The following SLC6A13 variants were observed in gnomAD, a reference collection of about 807,000 sequenced individuals.
SLC6A13 encodes the protein sodium- and chloride-dependent GABA transporter 2.
SLC6A13 carries 69 observed loss-of-function variants against 72.9 expected under a neutral mutation model. The observed-to-expected ratio is 0.95, with a 90% CI of 0.78 to 1.16. The LOEUF is 1.16. Ranked by LOEUF, SLC6A13 falls within the 50% of genes most tolerant of loss-of-function variation. SLC6A13 has a pLI of 0.00. For missense variants in SLC6A13, 735 were observed against 760.5 expected, an observed-to-expected ratio of 0.97 and a Z score of 0.39; for synonymous variants, 303 against 303.0, an observed-to-expected ratio of 1.00 and a Z score of 0.00.
intron 4 of SLC6A13, among the ~76,000 whole-genome samples, chr12:242,206 A>T (rs1386613534): frequency 6.6e-6 from 1 of 152,192 alleles, no homozygotes; most frequent in African/African-American, 2.4e-5. Flanking sequence ...GGGTCCACTT[A>T]TACGTGGATT....
chr12:227,413 C>T, intron 8 of SLC6A13, 152 bp downstream of exon 8: 4 of 1,374,866 alleles, frequency 2.9e-6, no homozygotes, highest in Non-Finnish European at 3.9e-6. Flanking sequence ...CTCCTTGCAG[C>T]TCCTGGTAGC....
Position 221,088 on chromosome 12 carries a change from G to A in SLC6A13, c.1687-18C>T, listed in dbSNP as rs777245907. The stretch of plus-strand genomic sequence containing the variant: ...CGGATTCTCTGCGGGGATAGCAGAG[G>A]TGGCTGTCAGGTGGTGGAGCGGGGG... On this transcript the variant is annotated intron_variant, in intron 14 of 14. Coordinates refer to ENST00000343164, the MANE Select transcript of SLC6A13 (RefSeq NM_016615.5). 2.3e-5 allele frequency: 36 copies of A among 1,576,924 alleles called. No homozygotes were observed. Among genetic ancestry groups the A allele is most frequent in the Non-Finnish European group, 2.8e-5 (33 of 1,163,448 alleles).
At chr12:236,263 C>T (rs1194962959) in intron 6 of SLC6A13, among the ~76,000 whole-genome samples, 8 of 152,210 alleles carry the variant, frequency 5.3e-5, no homozygotes, top group Non-Finnish European at 1.5e-5. Context: ...TACACCCCCT[C>T]CCCTTTTAAA....
intron 7 of SLC6A13, among the ~76,000 whole-genome samples, chr12:233,574 G>T (rs573824025): frequency 6.6e-6 from 1 of 152,152 alleles, no homozygotes; most frequent in Non-Finnish European, 1.5e-5. Flanking sequence ...CTAGACATGG[G>T]TCACATGGGC....
intron 6 of SLC6A13, 139 bp from the exon 7 acceptor site, chr12:235,363 C>T (rs950604400): frequency 4.0e-5 from 32 of 794,586 alleles, no homozygotes; most frequent in Non-Finnish European, 6.5e-5. Flanking sequence ...TCATCCACAG[C>T]TGTTTAGTTC....
intron 7 of SLC6A13, among the ~76,000 whole-genome samples, chr12:234,499 CATTTTATTTTATTTT>C (rs1432421440): frequency 1.4e-5 from 2 of 147,824 alleles, no homozygotes; most frequent in African/African-American, 5.1e-5. Context: ...TATTTTATTT[CATTTTATTTTATTTT>C]ATTTCATTTT....
At chr12:246,823 C>G (rs1393851902) in intron 2 of SLC6A13, among the ~76,000 whole-genome samples, 2 of 152,068 alleles carry the variant, frequency 1.3e-5, no homozygotes, top group Non-Finnish European at 2.9e-5. Context: ...GCCCAGCCAA[C>G]ATGGTGAAAC....
At chr12:224,327 C>G in intron 10 of SLC6A13, 74 bp downstream of exon 10, 1 of 1,383,886 alleles carries the variant, frequency 7.2e-7, no homozygotes, top group Non-Finnish European at 1.0e-6. Flanking sequence ...TTCTGACATT[C>G]ACCCATGGCT....
At position 220,879 on chromosome 12, in the gene SLC6A13, C is replaced by T. The variant is rs1941172682; in HGVS notation, c.*69G>A. On this transcript the variant is annotated 3_prime_UTR_variant, in exon 15 of 15. Coordinates refer to ENST00000343164, the MANE Select transcript of SLC6A13 (RefSeq NM_016615.5). ...GGGGGCAGGGAAGCACATGGGGCTG[C>T]TTCTGCCACGTTCCCTCCACAGCCA... is the stretch of plus-strand genomic sequence containing the variant. 3 of 1,591,128 alleles carry T rather than the reference C, an allele frequency of 1.9e-6. No individual in the cohort carries two copies. The highest frequency in any genetic ancestry group is 1.7e-6 in the Non-Finnish European group (2 of 1,172,072).
At chr12:225,487 T>TA (rs1941407833) in intron 9 of SLC6A13, among the ~76,000 whole-genome samples, 1 of 152,074 alleles carries the variant, frequency 6.6e-6, no homozygotes, top group South Asian at 2.1e-4. Flanking sequence ...CTGTCTCTAC[T>TA]AAAAATACAA....
At chr12:255,438 G>A (rs1450527599) in intron 2 of SLC6A13, among the ~76,000 whole-genome samples, 1 of 152,200 alleles carries the variant, frequency 6.6e-6, no homozygotes, top group Admixed American at 6.5e-5. Flanking sequence ...GCTCATGCCT[G>A]TAATCCCAGC....
intron 3 of SLC6A13, among the ~76,000 whole-genome samples, 199 bp from the exon 4 acceptor site, chr12:242,953 A>C (rs1321902152): frequency 6.6e-6 from 1 of 152,216 alleles, no homozygotes; most frequent in South Asian, 2.1e-4. Flanking sequence ...AAAATCCTAT[A>C]TATGGAGAAA....
At chr12:235,850 T>TG (rs1941911547) in intron 6 of SLC6A13, among the ~76,000 whole-genome samples, 1 of 152,088 alleles carries the variant, frequency 6.6e-6, no homozygotes, top group South Asian at 2.1e-4. Flanking sequence ...AATGCATTCC[T>TG]GGGGGGAGGT....
intron 12 of SLC6A13, 122 bp from the exon 13 acceptor site, chr12:222,754 G>C: frequency 1.6e-6 from 1 of 611,812 alleles, no homozygotes; most frequent in Non-Finnish European, 2.9e-6. Flanking sequence ...CATCACAGCT[G>C]TCTGTTCAAG....
Position 227,592 on chromosome 12 carries a change from T to C in SLC6A13, c.908A>G (p.Tyr303Cys). Residue 303 changes from tyrosine to cysteine, a missense_variant, in exon 8 of 15, where the codon TAC (tyrosine) becomes TGC (cysteine). By Grantham distance (194) the Tyr-to-Cys change is radical. Transcript: ENST00000343164. Reference protein sequence around the residue: ...CLGCLTALGSYNKYHNNCYRD... With the variant: ...CLGCLTALGSCNKYHNNCYRD... ...GTAGCAGTTGTTGTGGTACTTGTTG[T>C]AGCTGCCCAGGGCTGTCAGGCACCC... 6.2e-7 allele frequency: 1 copy of C among 1,614,024 alleles called. No individual in the cohort carries two copies. Among genetic ancestry groups the C allele is most frequent in the Non-Finnish European group, 8.5e-7 (1 of 1,179,924 alleles).
chr12:237,737 G>A (rs1273519201), intron 5 of SLC6A13, among the ~76,000 whole-genome samples, 189 bp downstream of exon 5: 2 of 152,194 alleles, frequency 1.3e-5, no homozygotes, highest in Admixed American at 1.3e-4. Context: ...CACAGCCCCA[G>A]GAGAACTGCA....
intron 9 of SLC6A13, 104 bp downstream of exon 9, chr12:226,286 A>G: frequency 7.2e-7 from 1 of 1,383,480 alleles, no homozygotes; most frequent in Non-Finnish European, 1.0e-6. Context: ...TGGTGGCCGT[A>G]GCTCACCCAG....
rs368958780 is a variant in SLC6A13 at position 234,955 on chromosome 12, A to T, written c.831+135T>A. ...CAACAAACAGATGTCTAGAGAAGGAAGGGTGCACCTCTGCTGCCACTGTGG... is the reference window on the plus strand; with the variant it reads ...CAACAAACAGATGTCTAGAGAAGGATGGGTGCACCTCTGCTGCCACTGTGG... On this transcript the variant is annotated intron_variant, in intron 7 of 14. Coordinates refer to ENST00000343164, the MANE Select transcript of SLC6A13 (RefSeq NM_016615.5). 5.4e-6 allele frequency: 5 copies of T among 928,438 alleles called. No individual in the cohort carries two copies. The East Asian group carries it at 7.3e-5, about 14-fold the overall frequency. 57.5% of individuals were successfully genotyped at this position (928,438 alleles called of 1,614,324 possible). A position where few individuals can be genotyped will look rare whatever the true frequency, so the allele number is the denominator to read the frequency against.
intron 1 of SLC6A13, among the ~76,000 whole-genome samples, chr12:260,502 G>A (rs1942891215): frequency 6.6e-6 from 1 of 152,188 alleles, no homozygotes; most frequent in African/African-American, 2.4e-5. Context: ...TTCCCTTGCA[G>A]GAATTTATGC....
Sources: allele counts gnomAD v4.1 joint callset (sites outside exome capture counted in the v4.1 genomes callset), GRCh38; gene constraint gnomAD v4.1.1; transcripts MANE v1.5; gene names NCBI Gene and HGNC (gene_info 2026-07-23, HGNC 2026-07-21).